Variants in ERCC8 observed in about 807,000 individuals in gnomAD.
ERCC8 encodes the protein DNA excision repair protein ERCC-8.
A neutral mutation model predicts 54.9 loss-of-function variants in ERCC8; 52 were observed. That is an observed-to-expected ratio of 0.95 (90% CI 0.76 to 1.19). ERCC8 has a LOEUF of 1.19. ERCC8 is among the 50% of genes most tolerant of loss of function. The probability of loss-of-function intolerance (pLI) is 0.00; values close to 1 mark genes in which losing one functional copy is unlikely to be tolerated. For synonymous variants in ERCC8, 146 were observed against 157.2 expected, an observed-to-expected ratio of 0.93 and a Z score of 0.53; for missense variants, 514 against 466.1, an observed-to-expected ratio of 1.10 and a Z score of -0.95.
Position 60,870,673 on chromosome 5 carries a change from A to G in ERCC8, c.*3942T>C, listed in dbSNP as rs199755813. 6.6e-6 allele frequency among the ~76,000 whole-genome samples: 1 copy of G among 151,356 alleles called. No homozygotes were observed. The highest frequency in any genetic ancestry group is 1.9e-4 in the East Asian group (1 of 5,168). ...TGAGATTTTGTCTCAAAAAAAAAAAAGGGAAGAAAGGAAGAAACATAGAGA... is the reference window on the plus strand; with the variant it reads ...TGAGATTTTGTCTCAAAAAAAAAAAGGGGAAGAAAGGAAGAAACATAGAGA... On this transcript the variant is annotated 3_prime_UTR_variant, in exon 12 of 12. Transcript: ENST00000676185.
intron 10 of ERCC8, among the ~76,000 whole-genome samples, chr5:60,888,332 C>T (rs998474118): frequency 1.3e-5 from 2 of 152,006 alleles, no homozygotes; most frequent in Non-Finnish European, 1.5e-5. Context: ...CTAAATAAAA[C>T]AAAATTTTGT....
intron 10 of ERCC8, 124 bp downstream of exon 10, chr5:60,890,765 A>T (rs1748521562): frequency 1.4e-6 from 1 of 735,234 alleles, no homozygotes; most frequent in South Asian, 1.6e-5. Flanking sequence ...TATTAAATAA[A>T]TCCTACTACA....
chr5:60,916,203 T>G (rs2112513649), intron 4 of ERCC8, among the ~76,000 whole-genome samples: 1 of 152,204 alleles, frequency 6.6e-6, no homozygotes, highest in South Asian at 2.1e-4. Context: ...TTCTGTGATC[T>G]TGACCCTTTA....
At chr5:60,892,491 C>A in intron 9 of ERCC8, 1 of 577,732 alleles carries the variant, frequency 1.7e-6, no homozygotes, top group South Asian at 1.5e-5. Context: ...GCTGATCTTC[C>A]CGCTCACCCA....
chr5:60,893,347 G>C (rs1212543008), intron 9 of ERCC8: 43 of 847,830 alleles, frequency 5.1e-5, no homozygotes, highest in Non-Finnish European at 6.2e-6. Context: ...AGTAGCTCTT[G>C]ATAGACCTGC....
chr5:60,916,046 G>A (rs182181227), intron 4 of ERCC8, among the ~76,000 whole-genome samples: 6 of 152,024 alleles, frequency 3.9e-5, no homozygotes, highest in Non-Finnish European at 8.8e-5. Context: ...CTTCTCTCCA[G>A]TACCATGTGA....
At chr5:60,930,014 T>C (rs1749860772) in intron 1 of ERCC8, among the ~76,000 whole-genome samples, 2 of 152,236 alleles carry the variant, frequency 1.3e-5, no homozygotes, top group South Asian at 4.1e-4. Flanking sequence ...AAACTGATAC[T>C]TTCATTCATT....
intron 1 of ERCC8, among the ~76,000 whole-genome samples, chr5:60,943,840 A>T (rs1750339679): frequency 6.6e-6 from 1 of 152,216 alleles, no homozygotes; most frequent in African/African-American, 2.4e-5. Flanking sequence ...GATTGTGATG[A>T]AAGGCTGATG....
intron 9 of ERCC8, chr5:60,892,756 G>C (rs1748602406): frequency 1.4e-6 from 1 of 692,146 alleles, no homozygotes; most frequent in Non-Finnish European, 2.6e-6. Flanking sequence ...ACAATGGCTG[G>C]AGCATCCAGC....
At chr5:60,928,983 GA>G in intron 1 of ERCC8, 24 bp from the exon 2 acceptor site, 2 of 1,313,460 alleles carry the variant, frequency 1.5e-6, no homozygotes, top group Non-Finnish European at 2.2e-6. Flanking sequence ...GGGGGAGAAA[GA>G]AATTAACAAG....
At chr5:60,875,168 G>T (rs1232966598) in intron 11 of ERCC8, among the ~76,000 whole-genome samples, 3 of 152,094 alleles carry the variant, frequency 2.0e-5, no homozygotes, top group African/African-American at 7.2e-5. Context: ...GGAGAATAAG[G>T]TATTCAAGCT....
chr5:60,930,165 C>A (rs1164297044), intron 1 of ERCC8, among the ~76,000 whole-genome samples: 2 of 152,202 alleles, frequency 1.3e-5, no homozygotes, highest in Non-Finnish European at 2.9e-5. Context: ...CGCAGTGGCT[C>A]ATGCCTGTAA....
At chr5:60,930,559 A>AAACAAG (rs1749878381) in intron 1 of ERCC8, among the ~76,000 whole-genome samples, 1 of 151,212 alleles carries the variant, frequency 6.6e-6, no homozygotes, top group Non-Finnish European at 1.5e-5. Flanking sequence ...CTCCGTCTAA[A>AAACAAG]AACAAAAACA....
In ERCC8 at chr5:60,941,318, T is replaced by C. The variant is rs548564860; in HGVS notation, c.77+3614A>G. ...AATGTATTCACTAACAGATTGGAGA[T>C]GGCAGAGGAAAAAATCTGTGAACTT... On this transcript the variant is annotated intron_variant, in intron 1 of 11. Coordinates refer to ENST00000676185, the MANE Select transcript of ERCC8 (RefSeq NM_000082.4). 3.3e-5 allele frequency among the ~76,000 whole-genome samples: 5 copies of C among 152,220 alleles called. No individual in the cohort carries two copies. In the East Asian group the frequency reaches 9.7e-4, roughly 29 times the overall value.
chr5:60,938,588 A>G lies in ERCC8; in HGVS notation c.77+6344T>C, dbSNP rs535390259. Among the ~76,000 whole-genome samples the G allele has an allele frequency of 7.9e-5, 12 of 152,252 alleles. No individual in the cohort carries two copies. The South Asian group carries it at 2.1e-3, about 26-fold the overall frequency. On this transcript the variant is annotated intron_variant, in intron 1 of 11. Transcript: ENST00000676185. ...ACGCTGGTCTCGAACTCCTGACCTCAGGTGATCCACCTGTCTCGGCCTCCC... is the reference window on the plus strand; with the variant it reads ...ACGCTGGTCTCGAACTCCTGACCTCGGGTGATCCACCTGTCTCGGCCTCCC...
chr5:60,942,106 G>C (rs1224420190), intron 1 of ERCC8, among the ~76,000 whole-genome samples: 1 of 152,070 alleles, frequency 6.6e-6, no homozygotes, highest in East Asian at 1.9e-4. Flanking sequence ...TATACAAAAA[G>C]ATATAGTCAA....
intron 9 of ERCC8, 26 bp from the exon 10 acceptor site, chr5:60,891,112 C>T (rs772915192): frequency 8.3e-6 from 12 of 1,447,918 alleles, no homozygotes; most frequent in Admixed American, 6.7e-5. Context: ...AATAAGGTTA[C>T]TCATCTCTGA....
At position 60,945,014 on chromosome 5, in the gene ERCC8, G is replaced by A; in HGVS notation, c.-6C>T. 1 of 1,613,052 alleles carries A rather than the reference G, an allele frequency of 6.2e-7. No homozygotes were observed. The highest frequency in any genetic ancestry group is 1.7e-4 in the Middle Eastern group (1 of 6,060). On this transcript the variant is annotated 5_prime_UTR_variant, in exon 1 of 12. Transcript: ENST00000676185. ...GCGGACAAAAACCCCAGCATATCGT[G>A]TCCTCACACCGGCTGGAGCACTGGA...
In ERCC8 at chr5:60,873,164, G is replaced by A. The variant is rs554568100; in HGVS notation, c.*1451C>T. The stretch of plus-strand genomic sequence containing the variant: ...AAAAATAAGAGAATGGATGTAAAGT[G>A]TTCTTACCACAAAATGGTAACCATG... On this transcript the variant is annotated 3_prime_UTR_variant, in exon 12 of 12. Transcript: ENST00000676185. 6.6e-6 allele frequency among the ~76,000 whole-genome samples: 1 copy of A among 152,224 alleles called. No homozygotes were observed. Among genetic ancestry groups the A allele is most frequent in the South Asian group, 2.1e-4 (1 of 4,830 alleles).
Sources: gnomAD v4.1 joint callset for allele counts (sites outside exome capture counted in the v4.1 genomes callset) on GRCh38, gnomAD v4.1.1 for gene constraint, MANE v1.5 for transcripts, NCBI Gene and HGNC (gene_info 2026-07-23, HGNC 2026-07-21) for gene names.